ARHGAP6: variants seen among roughly 807,000 people sequenced by gnomAD.
ARHGAP6 encodes the protein rho GTPase-activating protein 6.
Under a neutral mutation model 55.7 loss-of-function variants are expected in ARHGAP6, and 16 were observed. That is an observed-to-expected ratio of 0.29 (90% CI 0.19 to 0.44). The LOEUF (loss-of-function observed/expected upper bound fraction) is 0.44. ARHGAP6 is among the 20% of genes least tolerant of loss of function. ARHGAP6 has a pLI of 1.00. For synonymous variants in ARHGAP6, 382 were observed against 360.9 expected, an observed-to-expected ratio of 1.06 and a Z score of -0.66; for missense variants, 698 against 808.9, an observed-to-expected ratio of 0.86 and a Z score of 1.66.
At chrX:11,581,103 A>G (rs2051660760) in intron 1 of ARHGAP6, among the ~76,000 whole-genome samples, 1 of 112,540 alleles carries the variant, frequency 8.9e-6, no homozygotes, top group African/African-American at 3.2e-5. Context: ...ATACAACCCA[A>G]TTAAAAATGG....
chrX:11,372,547 T>C (rs1364367440), intron 1 of ARHGAP6, among the ~76,000 whole-genome samples: 2 of 107,909 alleles, frequency 1.9e-5, no homozygotes, highest in African/African-American at 6.7e-5. Context: ...CCGAGGAGGG[T>C]GGATTACGAG....
rs145843212 is a variant in ARHGAP6 at position 11,506,629 on chromosome X, T to A, written c.588+157612A>T. 5.9e-3 allele frequency among the ~76,000 whole-genome samples: 660 copies of A among 112,145 alleles called. 6 individuals are homozygous for A. Among genetic ancestry groups the A allele is most frequent in the African/African-American group, 0.021 (634 of 30,917 alleles). Reference sequence around the variant, plus strand: ...TGTATATGTGCCACATTTCTTTATCTAGTCTATCATTGATGGACATTTGGG... The same window carrying A: ...TGTATATGTGCCACATTTCTTTATCAAGTCTATCATTGATGGACATTTGGG... On this transcript the variant is annotated intron_variant, in intron 1 of 12. Coordinates refer to ENST00000337414, the MANE Select transcript of ARHGAP6 (RefSeq NM_013427.3).
intron 10 of ARHGAP6, chrX:11,148,549 C>T: frequency 3.4e-6 from 1 of 293,946 alleles, no homozygotes; most frequent in Admixed American, 3.5e-5. Flanking sequence ...ACCCCAGGAC[C>T]ATCTACATAC....
At chrX:11,227,305 A>G (rs775961144) in intron 2 of ARHGAP6, among the ~76,000 whole-genome samples, 4 of 111,964 alleles carry the variant, frequency 3.6e-5, no homozygotes, top group African/African-American at 1.3e-4. Flanking sequence ...GCTACATGTT[A>G]CCCCTTAGGG....
At chrX:11,454,207 G>A (rs943919775) in intron 1 of ARHGAP6, among the ~76,000 whole-genome samples, 18 of 101,382 alleles carry the variant, frequency 1.8e-4, no homozygotes, top group African/African-American at 5.9e-4. Flanking sequence ...TGACACGCCC[G>A]CCTCGGCCTC....
intron 1 of ARHGAP6, among the ~76,000 whole-genome samples, chrX:11,625,373 T>G (rs1032870843): frequency 2.7e-5 from 3 of 110,782 alleles, no homozygotes; most frequent in South Asian, 7.7e-4. Flanking sequence ...TAAAAAGGAC[T>G]GAAATCTTGT....
intron 2 of ARHGAP6, among the ~76,000 whole-genome samples, chrX:11,227,657 C>T (rs1251958735): frequency 9.0e-6 from 1 of 111,074 alleles, no homozygotes; most frequent in Non-Finnish European, 1.9e-5. Flanking sequence ...ACATGACCCC[C>T]TCTTAGGCTT....
At chrX:11,549,927 C>T (rs190900012) in intron 1 of ARHGAP6, among the ~76,000 whole-genome samples, 1 of 111,902 alleles carries the variant, frequency 8.9e-6, no homozygotes, top group African/African-American at 3.2e-5. Context: ...AAGCACACAC[C>T]AAGAGGATAA....
Position 11,340,603 on chromosome X carries a change from C to G in ARHGAP6, c.589-85896G>C, listed in dbSNP as rs201320550. Among the ~76,000 whole-genome samples the G allele has an allele frequency of 1.5e-3, 160 of 107,902 alleles. 4 individuals are homozygous for G. In the East Asian group the frequency reaches 0.021, roughly 14 times the overall value. 93.7% of individuals were successfully genotyped at this position (107,902 alleles called of 115,157 possible). A position where few individuals can be genotyped will look rare whatever the true frequency, so the allele number is the denominator to read the frequency against. On this transcript the variant is annotated intron_variant, in intron 1 of 12. Transcript: ENST00000337414. ...AATTAGCCGGGCGTAGTGGCGGGCGCCTGTAGTCCCAGCTACTCGGGAGGC... is the reference window on the plus strand; with the variant it reads ...AATTAGCCGGGCGTAGTGGCGGGCGGCTGTAGTCCCAGCTACTCGGGAGGC...
intron 2 of ARHGAP6, among the ~76,000 whole-genome samples, 181 bp downstream of exon 2, chrX:11,254,367 T>G (rs2047463657): frequency 8.9e-6 from 1 of 111,947 alleles, no homozygotes; most frequent in African/African-American, 3.3e-5. Context: ...TTACCTGACA[T>G]GCAAATTGTC....
At chrX:11,451,544 G>A (rs972725442) in intron 1 of ARHGAP6, among the ~76,000 whole-genome samples, 16 of 112,080 alleles carry the variant, frequency 1.4e-4, no homozygotes, top group Non-Finnish European at 2.6e-4. Context: ...ATATGAAAGC[G>A]AATCTAGCAA....
chrX:11,166,187 T>A lies in ARHGAP6; in HGVS notation c.1809+3318A>T, dbSNP rs187683653. Among the ~76,000 whole-genome samples, 352 of 111,480 alleles carry A rather than the reference T, an allele frequency of 3.2e-3. 4 individuals are homozygous for A. Among genetic ancestry groups the A allele is most frequent in the African/African-American group, 0.011 (337 of 30,655 alleles). Reference sequence around the variant, plus strand: ...GAGTGGCCACTTGGGAGAGGCAGTCTCAGCATCAGGAAATGAAGGATGTTA... The same window carrying A: ...GAGTGGCCACTTGGGAGAGGCAGTCACAGCATCAGGAAATGAAGGATGTTA... On this transcript the variant is annotated intron_variant, in intron 9 of 12. Coordinates refer to ENST00000337414, the MANE Select transcript of ARHGAP6 (RefSeq NM_013427.3).
At chrX:11,154,868 C>T (rs1345273639) in intron 10 of ARHGAP6, among the ~76,000 whole-genome samples, 1 of 112,425 alleles carries the variant, frequency 8.9e-6, no homozygotes, top group African/African-American at 3.2e-5. Flanking sequence ...AATACTAGCT[C>T]ATCTATACAA....
At chrX:11,492,023 T>C (rs1230232002) in intron 1 of ARHGAP6, among the ~76,000 whole-genome samples, 2 of 108,679 alleles carry the variant, frequency 1.8e-5, no homozygotes, top group Non-Finnish European at 3.8e-5. Context: ...TTTTGAGAAG[T>C]GTCTGTTCAT....
At chrX:11,590,823 A>AAAG in intron 1 of ARHGAP6, among the ~76,000 whole-genome samples, 1 of 51,632 alleles carries the variant, frequency 1.9e-5, no homozygotes, top group Non-Finnish European at 3.1e-5. Flanking sequence ...AAAGAAAAGA[A>AAAG]AAGAAAAGAA....
intron 1 of ARHGAP6, among the ~76,000 whole-genome samples, chrX:11,608,502 G>C (rs1239888420): frequency 9.0e-6 from 1 of 110,832 alleles, no homozygotes; most frequent in Non-Finnish European, 1.9e-5. Context: ...TTTTGGAGAA[G>C]AAACCCAGAC....
At chrX:11,285,239 G>T (rs1380464099) in intron 1 of ARHGAP6, among the ~76,000 whole-genome samples, 4 of 106,792 alleles carry the variant, frequency 3.7e-5, no homozygotes, top group Non-Finnish European at 1.9e-5. Flanking sequence ...AACTCCCTCA[G>T]ATGTTCTGTC....
At chrX:11,493,523 C>T (rs995278583) in intron 1 of ARHGAP6, among the ~76,000 whole-genome samples, 4 of 111,611 alleles carry the variant, frequency 3.6e-5, no homozygotes, top group Non-Finnish European at 5.6e-5. Flanking sequence ...TGGTAGGTGT[C>T]CATTGACACT....
chrX:11,356,691 T>G (rs901122666), intron 1 of ARHGAP6, among the ~76,000 whole-genome samples: 2 of 111,558 alleles, frequency 1.8e-5, no homozygotes, highest in Non-Finnish European at 3.8e-5. Flanking sequence ...TGATGGGACA[T>G]TAAAGAATAT....
Sources: allele counts gnomAD v4.1 joint callset (sites outside exome capture counted in the v4.1 genomes callset), GRCh38; gene constraint gnomAD v4.1.1; transcripts MANE v1.5; gene names NCBI Gene and HGNC (gene_info 2026-07-23, HGNC 2026-07-21).